The following L2HGDH variants were observed in gnomAD, a reference collection of about 807,000 sequenced individuals.
L2HGDH encodes the protein L-2-hydroxyglutarate dehydrogenase, mitochondrial.
Under a neutral mutation model 51.5 loss-of-function variants are expected in L2HGDH, and 34 were observed. The observed-to-expected ratio is 0.66, with a 90% CI of 0.50 to 0.88. L2HGDH has a LOEUF of 0.88. Ranked by LOEUF, L2HGDH falls within the 40% of genes least tolerant of loss-of-function variation. The probability of loss-of-function intolerance (pLI) is 0.00; values close to 1 mark genes in which losing one functional copy is unlikely to be tolerated. For missense variants in L2HGDH, 558 were observed against 571.9 expected (o/e 0.98, Z 0.25); for synonymous variants, 198 against 197.9 (o/e 1.00, Z -0.01).
chr14:50,243,396 A>C lies in L2HGDH; in HGVS notation c.*3662T>G, dbSNP rs1257052029. Reference sequence around the variant, plus strand: ...AGGTTGGCTGCTATCTATCTAAAGCAAACAGTTTATGTTTTACACATAAAA... The same window carrying C: ...AGGTTGGCTGCTATCTATCTAAAGCCAACAGTTTATGTTTTACACATAAAA... On this transcript the variant is annotated 3_prime_UTR_variant, in exon 10 of 10. Coordinates refer to ENST00000267436, the MANE Select transcript of L2HGDH (RefSeq NM_024884.3). The C allele has an allele frequency of 1.3e-5, 13 of 981,680 alleles. No homozygotes were observed. The highest frequency in any genetic ancestry group is 1.6e-5 in the Non-Finnish European group (13 of 826,568). The allele number at this position is 981,680 out of a possible 1,614,324, so 60.8% of individuals were successfully genotyped here. A position where few individuals can be genotyped will look rare whatever the true frequency, so the allele number is the denominator to read the frequency against.
At chr14:50,260,855 C>G (rs1340476182) in intron 9 of L2HGDH, among the ~76,000 whole-genome samples, 2 of 152,116 alleles carry the variant, frequency 1.3e-5, no homozygotes, top group Non-Finnish European at 2.9e-5. Context: ...GTAGCTCACA[C>G]CTGTAATCCT....
chr14:50,289,351 A>AG (rs1890736992), intron 4 of L2HGDH, among the ~76,000 whole-genome samples: 1 of 152,180 alleles, frequency 6.6e-6, no homozygotes, highest in Non-Finnish European at 1.5e-5. Context: ...AAATACAAAC[A>AG]GGGGGAAGAA....
intron 2 of L2HGDH, among the ~76,000 whole-genome samples, chr14:50,302,440 C>T (rs539589971): frequency 2.0e-5 from 3 of 152,324 alleles, no homozygotes; most frequent in Non-Finnish European, 4.4e-5. Context: ...GCTCTTTGCA[C>T]TCTGCCTTGG....
intron 9 of L2HGDH, among the ~76,000 whole-genome samples, chr14:50,259,411 T>C (rs1888878824): frequency 7.1e-6 from 1 of 141,532 alleles, no homozygotes; most frequent in Non-Finnish European, 1.5e-5. Flanking sequence ...CTATGTCACC[T>C]GGGCTGATCT....
intron 3 of L2HGDH, among the ~76,000 whole-genome samples, chr14:50,294,835 G>A (rs1234890123): frequency 6.6e-6 from 1 of 152,130 alleles, no homozygotes; most frequent in African/African-American, 2.4e-5. Flanking sequence ...AAAAATATCT[G>A]AGGTACAGTT....
Position 50,312,127 on chromosome 14 carries a change from C to A in L2HGDH, c.24G>T (p.Leu8Phe). Residue 8 changes from leucine (L) to phenylalanine (F), a missense_variant, in exon 1 of 10, where the codon TTG (leucine) becomes TTT (phenylalanine). Leu to Phe is a conservative substitution (Grantham distance 22). Coordinates refer to ENST00000267436, the MANE Select transcript of L2HGDH (RefSeq NM_024884.3). ...CGCGGGCCCGTCCGCAGGCACCAAC[C>A]AAATAACGCAGCGCTGGCACCATCC... MVPALRY[L>F]VGACGRARGL... is the part of the protein sequence containing the mutation. 1 of 1,610,310 alleles carries A rather than the reference C, an allele frequency of 6.2e-7. No homozygotes were observed. Among genetic ancestry groups the A allele is most frequent in the Non-Finnish European group, 8.5e-7 (1 of 1,179,006 alleles).
rs1566548194 is a variant in L2HGDH, at chr14:50,312,199, C to T, written c.-49G>A. The stretch of plus-strand genomic sequence containing the variant: ...CAGCGCTCAGAAGAAGCCACTTGAC[C>T]CTCCACGGCCGAGGACCCGCGCTCT... On this transcript the variant is annotated 5_prime_UTR_variant, in exon 1 of 10. Transcript: ENST00000267436. 1 of 1,601,302 alleles carries T rather than the reference C, an allele frequency of 6.2e-7. No individual in the cohort carries two copies. Among genetic ancestry groups the T allele is most frequent in the Non-Finnish European group, 8.5e-7 (1 of 1,177,194 alleles).
chr14:50,295,061 C>T (rs936185234), intron 3 of L2HGDH, among the ~76,000 whole-genome samples: 5 of 152,016 alleles, frequency 3.3e-5, no homozygotes, highest in East Asian at 1.9e-4. Context: ...AAAAGACAAC[C>T]CACACAATGA....
At chr14:50,307,995 C>T (rs940811744) in intron 1 of L2HGDH, among the ~76,000 whole-genome samples, 4 of 152,270 alleles carry the variant, frequency 2.6e-5, no homozygotes, top group African/African-American at 9.6e-5. Context: ...CAAAAAGACT[C>T]TGTTAAGAGG....
chr14:50,274,925 C>T (rs1440501908), intron 6 of L2HGDH, among the ~76,000 whole-genome samples: 6 of 126,648 alleles, frequency 4.7e-5, no homozygotes, highest in Non-Finnish European at 9.2e-5. Context: ...AAAAGTTGAA[C>T]TCATAGAAAA....
intron 4 of L2HGDH, among the ~76,000 whole-genome samples, chr14:50,291,022 A>C (rs1011121366): frequency 1.3e-5 from 2 of 151,590 alleles, no homozygotes; most frequent in African/African-American, 4.8e-5. Context: ...ATATGGTGAA[A>C]CCCTGTTTCT....
At chr14:50,264,495 T>C (rs2139967849) in intron 9 of L2HGDH, among the ~76,000 whole-genome samples, 1 of 152,306 alleles carries the variant, frequency 6.6e-6, no homozygotes, top group South Asian at 2.1e-4. Context: ...GTAGAGTCCC[T>C]GAGTGCAGTA....
intron 3 of L2HGDH, among the ~76,000 whole-genome samples, chr14:50,294,717 T>C (rs950747410): frequency 2.0e-5 from 3 of 152,172 alleles, no homozygotes; most frequent in African/African-American, 7.2e-5. Flanking sequence ...GACAAAACAA[T>C]CCCTTTTATT....
At chr14:50,311,890 C>T in intron 1 of L2HGDH, 121 bp downstream of exon 1, 1 of 1,362,614 alleles carries the variant, frequency 7.3e-7, no homozygotes, top group Non-Finnish European at 1.0e-6. Flanking sequence ...TGGAGTGCCA[C>T]AGGACCCCAA....
At chr14:50,282,480 T>C in intron 5 of L2HGDH, 1 of 456,044 alleles carries the variant, frequency 2.2e-6, no homozygotes, top group Non-Finnish European at 4.4e-6. Flanking sequence ...TCTTTGTTAA[T>C]CTGAAATTCT....
Position 50,245,987 on chromosome 14 carries a change from G to C in L2HGDH, c.*1071C>G, listed in dbSNP as rs1177169525. 14 of 182,120 alleles carry C rather than the reference G, an allele frequency of 7.7e-5. 2 individuals carry two copies. In the Admixed American group the frequency reaches 9.1e-4, roughly 12 times the overall value. The allele number at this position is 182,120 out of a possible 1,614,324, so 11.3% of individuals were successfully genotyped here. On this transcript the variant is annotated 3_prime_UTR_variant, in exon 10 of 10. Coordinates refer to ENST00000267436, the MANE Select transcript of L2HGDH (RefSeq NM_024884.3). ...AAATACAAAAAATTAGCCAGGCATG[G>C]TGGTGGGCGCCTGTAATCCCAGCTA...
chr14:50,247,087 C>G lies in L2HGDH; in HGVS notation c.1363G>C (p.Asp455His). The change falls in exon 10 of 10, where the codon GAT (aspartate) becomes CAT (histidine). Residue 455 changes from aspartate to histidine, a missense_variant. By Grantham distance (81) the Asp-to-His change is moderately conservative. Coordinates refer to ENST00000267436, the MANE Select transcript of L2HGDH (RefSeq NM_024884.3). ...SSIAISGMIA[D>H]EVQQRFEL ...AATTCAAATCTTTGTTGTACTTCAT[C>G]TGCAATCATTCCAGAAATTGCAATG... The G allele has an allele frequency of 6.2e-7, 1 of 1,613,700 alleles. No homozygotes were observed. Among genetic ancestry groups the G allele is most frequent in the Non-Finnish European group, 8.5e-7 (1 of 1,179,660 alleles).
At chr14:50,305,799 C>T (rs866818992) in intron 1 of L2HGDH, among the ~76,000 whole-genome samples, 7 of 152,290 alleles carry the variant, frequency 4.6e-5, no homozygotes, top group Middle Eastern at 3.4e-3. Context: ...CCGAAATCCA[C>T]GTATGTTCAA....
At chr14:50,270,205 GC>G (rs1286591710) in intron 6 of L2HGDH, among the ~76,000 whole-genome samples, 1 of 152,184 alleles carries the variant, frequency 6.6e-6, no homozygotes, top group Non-Finnish European at 1.5e-5. Flanking sequence ...GCTTTAGACT[GC>G]TAATGTTAGG....
Sources: allele counts gnomAD v4.1 joint callset (sites outside exome capture counted in the v4.1 genomes callset), GRCh38; gene constraint gnomAD v4.1.1; transcripts MANE v1.5; gene names NCBI Gene and HGNC (gene_info 2026-07-23, HGNC 2026-07-21).